Variants in B4GALT1 observed in about 807,000 individuals in gnomAD.
B4GALT1 encodes the protein beta-1,4-galactosyltransferase 1.
A neutral mutation model predicts 34.9 loss-of-function variants in B4GALT1; 16 were observed. The observed-to-expected ratio is 0.46, with a 90% CI of 0.31 to 0.70. The LOEUF is 0.70. B4GALT1 is among the 30% of genes least tolerant of loss of function. B4GALT1 has a pLI of 0.05. For synonymous variants in B4GALT1, 221 were observed against 218.1 expected, an observed-to-expected ratio of 1.01 and a Z score of -0.12; for missense variants, 445 against 530.5, an observed-to-expected ratio of 0.84 and a Z score of 1.58.
At chr9:33,137,221 T>C (rs892562292) in intron 1 of B4GALT1, among the ~76,000 whole-genome samples, 1 of 152,158 alleles carries the variant, frequency 6.6e-6, no homozygotes, top group African/African-American at 2.4e-5. Flanking sequence ...TCTGTCTCCC[T>C]CCCCATCCCT....
intron 1 of B4GALT1, among the ~76,000 whole-genome samples, chr9:33,142,352 A>G (rs1477949633): frequency 6.6e-6 from 1 of 152,220 alleles, no homozygotes; most frequent in Non-Finnish European, 1.5e-5. Context: ...AACTTGAACA[A>G]TAAATATTTT....
upstream of B4GALT1, among the ~76,000 whole-genome samples, chr9:33,169,157 A>G (rs1840815109): frequency 6.6e-6 from 1 of 152,126 alleles, no homozygotes; most frequent in East Asian, 1.9e-4. Flanking sequence ...CCTCCTCCCT[A>G]GTCTGTTTTC....
At chr9:33,125,358 C>A (rs981188547) in intron 2 of B4GALT1, among the ~76,000 whole-genome samples, 8 of 152,198 alleles carry the variant, frequency 5.3e-5, no homozygotes, top group African/African-American at 1.9e-4. Context: ...TGAGCCAAAT[C>A]ACCGAGGCTG....
intron 1 of B4GALT1, among the ~76,000 whole-genome samples, chr9:33,142,915 T>A (rs1353316662): frequency 6.6e-6 from 1 of 152,042 alleles, no homozygotes; most frequent in Admixed American, 6.6e-5. Context: ...GAGGCTGAGA[T>A]GGGTGGATCA....
chr9:33,136,325 G>A (rs916661075), intron 1 of B4GALT1, among the ~76,000 whole-genome samples: 2 of 152,146 alleles, frequency 1.3e-5, no homozygotes, highest in African/African-American at 4.8e-5. Context: ...TGGGAAGAGG[G>A]ATGAGGAAAA....
chr9:33,113,607 G>A (rs756882297), intron 5 of B4GALT1, 21 bp from the exon 6 acceptor site: 7 of 1,614,140 alleles, frequency 4.3e-6, no homozygotes, highest in Non-Finnish European at 5.9e-6. Context: ...AAGAGCACAA[G>A]GAGATTGTCT....
intron 1 of B4GALT1, among the ~76,000 whole-genome samples, chr9:33,154,031 A>G (rs1345713321): frequency 6.7e-4 from 47 of 70,200 alleles, no homozygotes; most frequent in East Asian, 1.6e-3. Context: ...GGAAGGAAGG[A>G]AGGGAGGGAG....
Position 33,134,507 on chromosome 9 carries a change from A to G in B4GALT1, c.648+682T>C, listed in dbSNP as rs1289178745. Among the ~76,000 whole-genome samples the G allele has an allele frequency of 5.3e-5, 8 of 152,270 alleles. No homozygotes were observed. In the East Asian group the frequency reaches 1.2e-3, roughly 22 times the overall value. On this transcript the variant is annotated intron_variant, in intron 2 of 5. Transcript: ENST00000379731. ...CAAATAAACTGAAAAATTTATTTCA[A>G]TAAAGATGCCTCTTAGATCAATCTG...
intron 2 of B4GALT1, among the ~76,000 whole-genome samples, chr9:33,132,286 G>A (rs1183346429): frequency 6.6e-6 from 1 of 152,188 alleles, no homozygotes; most frequent in African/African-American, 2.4e-5. Flanking sequence ...CAGGGAGGCA[G>A]CTGGGAGGAG....
intron 2 of B4GALT1, among the ~76,000 whole-genome samples, chr9:33,126,663 A>AACATTGTTAAGTATTGT (rs1554685864): frequency 6.6e-6 from 1 of 151,394 alleles, no homozygotes; most frequent in Non-Finnish European, 1.5e-5. Context: ...AACCATAGCA[A>AACATTGTTAAGTATTGT]TATGGTAGCT....
intron 1 of B4GALT1, among the ~76,000 whole-genome samples, chr9:33,141,750 G>A (rs1399217073): frequency 6.6e-6 from 1 of 152,168 alleles, no homozygotes; most frequent in Non-Finnish European, 1.5e-5. Flanking sequence ...TGGCTGCCAT[G>A]CACGTGGGAG....
At chr9:33,166,007 C>T (rs1284528584) in intron 1 of B4GALT1, among the ~76,000 whole-genome samples, 1 of 152,188 alleles carries the variant, frequency 6.6e-6, no homozygotes, top group Admixed American at 6.5e-5. Context: ...TACACAAGCT[C>T]TCTGCCCCTG....
upstream of B4GALT1, among the ~76,000 whole-genome samples, chr9:33,168,044 G>C (rs1450544088): frequency 6.6e-6 from 1 of 152,214 alleles, no homozygotes; most frequent in African/African-American, 2.4e-5. Context: ...ACTTTGAAGA[G>C]GAGAGCAGCA....
intron 3 of B4GALT1, among the ~76,000 whole-genome samples, chr9:33,117,621 G>A (rs942859564): frequency 1.3e-5 from 2 of 152,184 alleles, no homozygotes; most frequent in African/African-American, 4.8e-5. Flanking sequence ...TGAGGGGGAA[G>A]TCAGCCAAAC....
intron 4 of B4GALT1, among the ~76,000 whole-genome samples, 172 bp from the exon 5 acceptor site, chr9:33,114,050 T>C (rs888385432): frequency 1.3e-5 from 2 of 152,210 alleles, no homozygotes; most frequent in Non-Finnish European, 2.9e-5. Context: ...AAAACTCACA[T>C]TCCGACTCCA....
Position 33,112,218 on chromosome 9 carries a change from G to C in B4GALT1, c.*1236C>G, listed in dbSNP as rs949776952. 1 of 152,316 alleles carries C rather than the reference G, an allele frequency of 6.6e-6. No homozygotes were observed. Among genetic ancestry groups the C allele is most frequent in the African/African-American group, 2.4e-5 (1 of 41,446 alleles). The allele number at this position is 152,316 out of a possible 1,614,324, so 9.4% of individuals were successfully genotyped here. On this transcript the variant is annotated 3_prime_UTR_variant, in exon 6 of 6. Coordinates refer to ENST00000379731, the MANE Select transcript of B4GALT1 (RefSeq NM_001497.4). Reference sequence around the variant, plus strand: ...CCAGAACAGAGGCTCCCTCTGCCTGGGGAGGTGCAAAGGGCTGGTAAACAA... The same window carrying C: ...CCAGAACAGAGGCTCCCTCTGCCTGCGGAGGTGCAAAGGGCTGGTAAACAA...
intron 1 of B4GALT1, among the ~76,000 whole-genome samples, chr9:33,139,928 G>C (rs1231462716): frequency 6.6e-6 from 1 of 152,268 alleles, no homozygotes; most frequent in East Asian, 1.9e-4. Context: ...TACGTAAGCA[G>C]ATGAGCAGAT....
chr9:33,157,804 A>T (rs759576508), intron 1 of B4GALT1, among the ~76,000 whole-genome samples: 31 of 152,176 alleles, frequency 2.0e-4, no homozygotes, highest in Non-Finnish European at 3.1e-4. Context: ...TATATTCACA[A>T]CTTATTCTGT....
At chr9:33,140,625 T>A (rs1487540460) in intron 1 of B4GALT1, among the ~76,000 whole-genome samples, 1 of 152,240 alleles carries the variant, frequency 6.6e-6, no homozygotes, top group Admixed American at 6.5e-5. Flanking sequence ...CCTAGAACTC[T>A]GTGATTCTGA....
Sources: allele counts gnomAD v4.1 joint callset (sites outside exome capture counted in the v4.1 genomes callset), GRCh38; gene constraint gnomAD v4.1.1; transcripts MANE v1.5; gene names NCBI Gene and HGNC (gene_info 2026-07-23, HGNC 2026-07-21).